TMEM108: variants seen among roughly 807,000 people sequenced by gnomAD.
The protein encoded by TMEM108 is cancer/testis antigen 124.
A neutral mutation model predicts 35.1 loss-of-function variants in TMEM108; 12 were observed. The ratio of observed to expected loss-of-function variants is 0.34; its 90% CI spans 0.22 to 0.55. TMEM108 has a LOEUF of 0.55. TMEM108 is among the 20% of genes least tolerant of loss of function. The pLI is 0.89. For missense variants in TMEM108, 680 were observed against 753.3 expected (o/e 0.90, Z 1.14); for synonymous variants, 287 against 308.6 (o/e 0.93, Z 0.73).
chr3:133,057,127 C>G (rs1413861667), intron 2 of TMEM108, among the ~76,000 whole-genome samples: 6 of 152,066 alleles, frequency 3.9e-5, no homozygotes, highest in Non-Finnish European at 8.8e-5. Flanking sequence ...TGCAATTCTG[C>G]CCTCGTCTGT....
At chr3:133,338,375 C>T (rs1467815076) in intron 3 of TMEM108, among the ~76,000 whole-genome samples, 2 of 152,078 alleles carry the variant, frequency 1.3e-5, no homozygotes, top group South Asian at 4.2e-4. Flanking sequence ...TAGTGGAAAC[C>T]TTACAGGCCA....
chr3:133,214,272 G>A (rs1945874231), intron 2 of TMEM108, among the ~76,000 whole-genome samples: 1 of 152,226 alleles, frequency 6.6e-6, no homozygotes, highest in South Asian at 2.1e-4. Context: ...TAATAGGTTT[G>A]ATCTTGAGCA....
At chr3:133,293,609 G>A (rs1413736466) in intron 3 of TMEM108, among the ~76,000 whole-genome samples, 1 of 151,882 alleles carries the variant, frequency 6.6e-6, no homozygotes, top group Non-Finnish European at 1.5e-5. Context: ...AGCATAACTA[G>A]GACCCTTTAT....
chr3:133,088,510 T>G (rs1369031082), intron 2 of TMEM108, among the ~76,000 whole-genome samples: 1 of 152,202 alleles, frequency 6.6e-6, no homozygotes, highest in Non-Finnish European at 1.5e-5. Context: ...TGGGGCTGGC[T>G]TTTTGAGTAG....
In TMEM108 at chr3:133,335,405, C is replaced by A. The variant is rs115736699; in HGVS notation, c.41-44347C>A. On this transcript the variant is annotated intron_variant, in intron 3 of 5. Transcript: ENST00000321871. ...ATTAATATTGGTTAAAATAAAACTC[C>A]AGAGGAAAATGCTTTGGATAGAGGA... Among the ~76,000 whole-genome samples, 882 of 152,094 alleles carry A rather than the reference C, an allele frequency of 5.8e-3. 6 individuals carry two copies. The highest frequency in any genetic ancestry group is 0.02 in the African/African-American group (833 of 41,504).
At chr3:133,312,931 C>T (rs1165933709) in intron 3 of TMEM108, among the ~76,000 whole-genome samples, 1 of 152,158 alleles carries the variant, frequency 6.6e-6, no homozygotes, top group Non-Finnish European at 1.5e-5. Flanking sequence ...AGTAGAATTA[C>T]CAACTTTACT....
intron 3 of TMEM108, among the ~76,000 whole-genome samples, chr3:133,356,446 A>AT (rs2072172751): frequency 6.6e-6 from 1 of 152,142 alleles, no homozygotes; most frequent in African/African-American, 2.4e-5. Flanking sequence ...TACCATTATA[A>AT]TTTTTCACAG....
chr3:133,264,608 A>T (rs928037326), intron 3 of TMEM108, among the ~76,000 whole-genome samples: 1 of 152,218 alleles, frequency 6.6e-6, no homozygotes, highest in Non-Finnish European at 1.5e-5. Context: ...TCACAAATTC[A>T]TCACACACAA....
intron 2 of TMEM108, among the ~76,000 whole-genome samples, chr3:133,078,803 C>T (rs1943776072): frequency 6.6e-6 from 1 of 152,140 alleles, no homozygotes; most frequent in Non-Finnish European, 1.5e-5. Context: ...TGCACACACA[C>T]ATATATTTTA....
intron 2 of TMEM108, among the ~76,000 whole-genome samples, chr3:133,051,451 A>G (rs566776308): frequency 3.9e-4 from 60 of 152,202 alleles, no homozygotes; most frequent in East Asian, 1.9e-4. Flanking sequence ...ATTTTTTCCC[A>G]ATCTGTGGAT....
At chr3:133,149,767 A>G (rs1048159826) in intron 2 of TMEM108, among the ~76,000 whole-genome samples, 1 of 152,186 alleles carries the variant, frequency 6.6e-6, no homozygotes, top group African/African-American at 2.4e-5. Context: ...GTACATATAC[A>G]TAAGGGAATA....
chr3:133,328,929 C>T (rs2071362424), intron 3 of TMEM108, among the ~76,000 whole-genome samples: 1 of 152,144 alleles, frequency 6.6e-6, no homozygotes, highest in African/African-American at 2.4e-5. Flanking sequence ...GCTCTCTTTT[C>T]AGTCTCATCG....
intron 2 of TMEM108, among the ~76,000 whole-genome samples, chr3:133,140,023 A>G (rs1203576796): frequency 6.6e-6 from 1 of 152,050 alleles, no homozygotes; most frequent in African/African-American, 2.4e-5. Context: ...CACAGATTCC[A>G]CTGTTGTTAC....
At chr3:133,044,624 A>G (rs1299846142) in intron 1 of TMEM108, among the ~76,000 whole-genome samples, 2 of 152,190 alleles carry the variant, frequency 1.3e-5, no homozygotes, top group East Asian at 3.9e-4. Flanking sequence ...CCGAACCTGC[A>G]TTTTTATCAA....
At chr3:133,107,515 C>A (rs1367451684) in intron 2 of TMEM108, among the ~76,000 whole-genome samples, 1 of 149,572 alleles carries the variant, frequency 6.7e-6, no homozygotes, top group Non-Finnish European at 1.5e-5. Context: ...GATTACATTT[C>A]AGCCAAACAC....
chr3:133,117,045 CA>C (rs1944296726), intron 2 of TMEM108, among the ~76,000 whole-genome samples: 1 of 152,234 alleles, frequency 6.6e-6, no homozygotes, highest in Admixed American at 6.5e-5. Context: ...GCTGGGATTA[CA>C]GGTATGAGCT....
intron 3 of TMEM108, among the ~76,000 whole-genome samples, chr3:133,344,102 A>G (rs2071744449): frequency 6.6e-6 from 1 of 151,904 alleles, no homozygotes; most frequent in South Asian, 2.1e-4. Context: ...CTTCTTTTCA[A>G]ATATCCATGG....
intron 2 of TMEM108, among the ~76,000 whole-genome samples, chr3:133,068,689 A>G (rs1162593571): frequency 6.6e-6 from 1 of 152,148 alleles, no homozygotes; most frequent in African/African-American, 2.4e-5. Flanking sequence ...TGTGTGTTCA[A>G]AACAATCACA....
At chr3:133,291,973 AC>A (rs777839670) in intron 3 of TMEM108, among the ~76,000 whole-genome samples, 1 of 152,148 alleles carries the variant, frequency 6.6e-6, no homozygotes, top group Non-Finnish European at 1.5e-5. Context: ...GTGGTTCCCA[AC>A]CCTGACTGCA....
Sources: allele counts gnomAD v4.1 joint callset (sites outside exome capture counted in the v4.1 genomes callset), GRCh38; gene constraint gnomAD v4.1.1; transcripts MANE v1.5; gene names NCBI Gene and HGNC (gene_info 2026-07-23, HGNC 2026-07-21).